Variants in SYN3 observed in about 807,000 individuals in gnomAD.
The protein encoded by SYN3 is synapsin III.
In SYN3, 35 loss-of-function variants were observed where a neutral mutation model predicts 65.8. The observed-to-expected ratio is 0.53, with a 90% CI of 0.41 to 0.70. The LOEUF (loss-of-function observed/expected upper bound fraction) is 0.70. Among genes scored for constraint, SYN3 ranks in the 30% least tolerant of loss-of-function variants. SYN3 has a pLI of 0.00. For missense variants in SYN3, 680 were observed against 749.0 expected (o/e 0.91, Z 1.08); for synonymous variants, 270 against 292.9 (o/e 0.92, Z 0.80).
intron 6 of SYN3, among the ~76,000 whole-genome samples, chr22:32,764,425 T>C (rs2045570331): frequency 1.3e-5 from 2 of 152,108 alleles, no homozygotes; most frequent in African/African-American, 4.8e-5. Context: ...AAAGACTGCG[T>C]TGAGAAAGCA....
At chr22:32,726,429 C>T (rs1269037085) in intron 6 of SYN3, among the ~76,000 whole-genome samples, 3 of 152,222 alleles carry the variant, frequency 2.0e-5, no homozygotes, top group Non-Finnish European at 2.9e-5. Context: ...GTGTGAGCCA[C>T]CACACTCGGC....
chr22:32,887,823 A>C (rs2049335166), intron 4 of SYN3, among the ~76,000 whole-genome samples: 1 of 152,190 alleles, frequency 6.6e-6, no homozygotes, highest in Non-Finnish European at 1.5e-5. Flanking sequence ...ATTCTTATAA[A>C]AGTCATTTAG....
intron 7 of SYN3, 133 bp downstream of exon 7, chr22:32,596,541 T>A: frequency 1.2e-6 from 1 of 842,184 alleles, no homozygotes; most frequent in Non-Finnish European, 1.9e-6. Context: ...GGAGATGTAC[T>A]ATGGATTCTT....
chr22:32,960,805 T>C (rs932833359), intron 3 of SYN3, among the ~76,000 whole-genome samples: 1 of 152,182 alleles, frequency 6.6e-6, no homozygotes, highest in African/African-American at 2.4e-5. Flanking sequence ...ATTGCATTTC[T>C]AGAACTTCCT....
intron 4 of SYN3, among the ~76,000 whole-genome samples, chr22:32,870,604 AG>A (rs1400378388): frequency 6.6e-6 from 1 of 152,194 alleles, no homozygotes; most frequent in African/African-American, 2.4e-5. Flanking sequence ...ACCCAAAAAA[AG>A]TTCCCTTTTT....
At chr22:33,046,010 A>T (rs971124086) in intron 1 of SYN3, among the ~76,000 whole-genome samples, 12 of 152,234 alleles carry the variant, frequency 7.9e-5, no homozygotes, top group Non-Finnish European at 1.5e-4. Flanking sequence ...CAATTAAAAA[A>T]AAAAACAAAA....
intron 7 of SYN3, among the ~76,000 whole-genome samples, chr22:32,546,950 C>T (rs1172608860): frequency 1.3e-5 from 2 of 151,752 alleles, no homozygotes; most frequent in East Asian, 3.9e-4. Context: ...TTTCCTCTAA[C>T]ACTCCTTGCC....
intron 6 of SYN3, among the ~76,000 whole-genome samples, chr22:32,780,966 C>CT (rs2046037853): frequency 1.1e-5 from 1 of 88,896 alleles, no homozygotes; most frequent in African/African-American, 3.6e-5. Flanking sequence ...TCCTTCCTTC[C>CT]TTCCTTCCTT....
At chr22:32,777,664 G>A (rs1338593773) in intron 6 of SYN3, among the ~76,000 whole-genome samples, 1 of 152,190 alleles carries the variant, frequency 6.6e-6, no homozygotes, top group Non-Finnish European at 1.5e-5. Context: ...GATTTACAGG[G>A]AGAGAGGCAA....
At chr22:32,746,754 C>A (rs2044944651) in intron 6 of SYN3, among the ~76,000 whole-genome samples, 1 of 152,190 alleles carries the variant, frequency 6.6e-6, no homozygotes, top group Admixed American at 6.5e-5. Flanking sequence ...TTGTTCAGCC[C>A]CAGGTGCCCA....
rs546757182 is a variant in SYN3, at chr22:32,942,067, A to G, written c.370-10586T>C. On this transcript the variant is annotated intron_variant, in intron 3 of 13. Coordinates refer to ENST00000358763, the MANE Select transcript of SYN3 (RefSeq NM_003490.4). ...GCAGCAGAAACCTCTGCAGTCTTAA[A>G]TGTCCCTGTCTGACAGCTTTGAAGA... Among the ~76,000 whole-genome samples, 13 of 152,364 alleles carry G rather than the reference A, an allele frequency of 8.5e-5. No homozygotes were observed. In the South Asian group the frequency reaches 2.5e-3, roughly 29 times the overall value.
At chr22:32,539,709 G>A (rs2058222387) in intron 8 of SYN3, among the ~76,000 whole-genome samples, 1 of 151,814 alleles carries the variant, frequency 6.6e-6, no homozygotes, top group South Asian at 2.1e-4. Context: ...CAAGGTCCAG[G>A]AAACTCGGTA....
At chr22:32,809,374 A>G (rs2046850476) in intron 6 of SYN3, among the ~76,000 whole-genome samples, 1 of 152,272 alleles carries the variant, frequency 6.6e-6, no homozygotes, top group Admixed American at 6.5e-5. Context: ...CAGTCTGCTT[A>G]TCTTTGGTTT....
At chr22:33,029,087 C>A (rs2053702171) in intron 1 of SYN3, among the ~76,000 whole-genome samples, 2 of 151,322 alleles carry the variant, frequency 1.3e-5, no homozygotes, top group Non-Finnish European at 2.9e-5. Flanking sequence ...CTAGATGATC[C>A]CCAACTCTCA....
chr22:32,604,868 T>C (rs922750702), intron 6 of SYN3, among the ~76,000 whole-genome samples: 68 of 151,814 alleles, frequency 4.5e-4, no homozygotes, highest in African/African-American at 1.6e-3. Context: ...TAGCCGGGCG[T>C]GGTGGCGGGT....
intron 13 of SYN3, among the ~76,000 whole-genome samples, chr22:32,517,719 G>A (rs1185597631): frequency 6.6e-6 from 1 of 152,130 alleles, no homozygotes; most frequent in African/African-American, 2.4e-5. Flanking sequence ...AGAACAAACA[G>A]CTGAACCAAA....
At chr22:32,530,704 G>A (rs1256638639) in intron 10 of SYN3, among the ~76,000 whole-genome samples, 2 of 151,868 alleles carry the variant, frequency 1.3e-5, no homozygotes, top group African/African-American at 4.8e-5. Context: ...TGAAAAGCTA[G>A]CTTAAGAATG....
intron 4 of SYN3, among the ~76,000 whole-genome samples, chr22:32,917,373 C>T (rs567761052): frequency 2.6e-5 from 4 of 152,220 alleles, no homozygotes; most frequent in South Asian, 2.1e-4. Context: ...TATGTGGCCT[C>T]GGAAAAACGT....
chr22:32,528,315 T>C (rs2058015613), intron 11 of SYN3, among the ~76,000 whole-genome samples: 1 of 152,196 alleles, frequency 6.6e-6, no homozygotes, highest in Non-Finnish European at 1.5e-5. Flanking sequence ...TGTGGGGAAA[T>C]CTGGGGTGGG....
Sources: allele counts gnomAD v4.1 joint callset (sites outside exome capture counted in the v4.1 genomes callset), GRCh38; gene constraint gnomAD v4.1.1; transcripts MANE v1.5; gene names NCBI Gene and HGNC (gene_info 2026-07-23, HGNC 2026-07-21).